Variants in CHST3 observed in about 807,000 individuals in gnomAD.
The protein encoded by CHST3 is C6ST-1.
CHST3 carries 20 observed loss-of-function variants against 35.4 expected under a neutral mutation model. That is an observed-to-expected ratio of 0.57 (90% CI 0.40 to 0.82). The LOEUF (loss-of-function observed/expected upper bound fraction) is 0.82, where lower values mean the gene tolerates loss of function less well. Ranked by LOEUF, CHST3 falls within the 40% of genes least tolerant of loss-of-function variation. The probability of loss-of-function intolerance (pLI) is 0.00; values close to 1 mark genes in which losing one functional copy is unlikely to be tolerated. For missense variants in CHST3, 693 were observed against 670.1 expected (o/e 1.03, Z -0.38); for synonymous variants, 334 against 295.9 (o/e 1.13, Z -1.32).
chr10:71,983,465 T>G (rs1839819662), intron 1 of CHST3, among the ~76,000 whole-genome samples: 1 of 152,172 alleles, frequency 6.6e-6, no homozygotes, highest in Non-Finnish European at 1.5e-5. Flanking sequence ...ATGCCTTTTT[T>G]TTTGAAAAGG....
At chr10:71,974,578 G>A (rs1334658745) in intron 1 of CHST3, among the ~76,000 whole-genome samples, 4 of 152,146 alleles carry the variant, frequency 2.6e-5, no homozygotes, top group East Asian at 3.8e-4. Flanking sequence ...GATGCCAGGC[G>A]GGCCTGGAGG....
rs4148942 is a variant in CHST3, at chr10:72,009,601, C to G, written c.*1130C>G. The stretch of plus-strand genomic sequence containing the variant: ...CAGCCAGGCCTCATCTGGGGTAGGG[C>G]CAAGAGGAAAGTACAGAGTGCCCGT... On this transcript the variant is annotated 3_prime_UTR_variant, in exon 3 of 3. Transcript: ENST00000373115. The G allele has an allele frequency of 3.9e-3, 597 of 152,342 alleles. No individual in the cohort carries two copies. Among genetic ancestry groups the G allele is most frequent in the East Asian group, 0.014 (73 of 5,170 alleles). The allele number at this position is 152,342 out of a possible 1,614,324, so 9.4% of individuals were successfully genotyped here.
chr10:72,006,202 C>T (rs529583628), intron 2 of CHST3, among the ~76,000 whole-genome samples: 10 of 152,212 alleles, frequency 6.6e-5, no homozygotes, highest in African/African-American at 2.2e-4. Context: ...GTTGGAGCCC[C>T]CCCATGTTGG....
chr10:72,003,643 G>T (rs544803291), intron 1 of CHST3, among the ~76,000 whole-genome samples: 1 of 150,666 alleles, frequency 6.6e-6, no homozygotes, highest in South Asian at 2.1e-4. Context: ...GGAGATTGCA[G>T]TGAGCTGAGA....
chr10:72,008,691 C>G lies in CHST3; in HGVS notation c.*220C>G. 1.1e-6 allele frequency: 1 copy of G among 934,570 alleles called. No homozygotes were observed. Among genetic ancestry groups the G allele is most frequent in the Admixed American group, 3.3e-5 (1 of 30,552 alleles). 57.9% of individuals were successfully genotyped at this position (934,570 alleles called of 1,614,324 possible). On this transcript the variant is annotated 3_prime_UTR_variant, in exon 3 of 3. Transcript: ENST00000373115. ...TGAGGGCCATCACACCCAGACCCAACGGGTTGCAGCCTCCTGAGCAGGCCT... is the reference window on the plus strand; with the variant it reads ...TGAGGGCCATCACACCCAGACCCAAGGGGTTGCAGCCTCCTGAGCAGGCCT...
At chr10:71,975,678 C>T (rs1839738161) in intron 1 of CHST3, among the ~76,000 whole-genome samples, 1 of 152,238 alleles carries the variant, frequency 6.6e-6, no homozygotes, top group Non-Finnish European at 1.5e-5. Context: ...GTGGCCACAC[C>T]TAGAAACGGA....
chr10:71,992,866 T>C (rs1174745137), intron 1 of CHST3, among the ~76,000 whole-genome samples: 9 of 151,984 alleles, frequency 5.9e-5, no homozygotes, highest in Admixed American at 5.9e-4. Context: ...TTCACCATGT[T>C]GGCCAGGCTG....
At chr10:72,003,899 T>C (rs1401796524) in intron 1 of CHST3, among the ~76,000 whole-genome samples, 1 of 151,704 alleles carries the variant, frequency 6.6e-6, no homozygotes, top group Non-Finnish European at 1.5e-5. Flanking sequence ...ATTATCTATT[T>C]AGATAATAAT....
At chr10:71,995,631 T>C (rs989754793) in intron 1 of CHST3, among the ~76,000 whole-genome samples, 9 of 152,118 alleles carry the variant, frequency 5.9e-5, no homozygotes, top group Non-Finnish European at 1.3e-4. Flanking sequence ...TTAATTGGCC[T>C]AATTTCAATA....
intron 1 of CHST3, among the ~76,000 whole-genome samples, chr10:71,970,510 C>G (rs1481377349): frequency 1.3e-5 from 2 of 152,216 alleles, no homozygotes; most frequent in African/African-American, 4.8e-5. Context: ...GTCCCTCCTC[C>G]TTAACTTTAA....
chr10:71,998,157 CA>C (rs1283077848), intron 1 of CHST3, among the ~76,000 whole-genome samples: 2 of 152,150 alleles, frequency 1.3e-5, no homozygotes, highest in Non-Finnish European at 2.9e-5. Context: ...ATAAATAAAT[CA>C]AAGGGCATAA....
chr10:71,967,744 C>G (rs958030672), intron 1 of CHST3, among the ~76,000 whole-genome samples: 1 of 152,166 alleles, frequency 6.6e-6, no homozygotes, highest in Non-Finnish European at 1.5e-5. Flanking sequence ...TTTGAGAACT[C>G]TCCAAACTGC....
intron 1 of CHST3, among the ~76,000 whole-genome samples, chr10:71,971,403 C>G (rs1317365123): frequency 3.3e-5 from 5 of 152,182 alleles, no homozygotes; most frequent in Admixed American, 3.3e-4. Flanking sequence ...GCTTAGCCGT[C>G]TGCAGACCAG....
In CHST3 at chr10:72,008,727, G is replaced by A. The variant is rs528575611; in HGVS notation, c.*256G>A. ...CTCCTGAGCAGGCCTAGGCAGGCCC[G>A]GGCCTGTTGGCAAGCTTCGATCTCA... On this transcript the variant is annotated 3_prime_UTR_variant, in exon 3 of 3. Coordinates refer to ENST00000373115, the MANE Select transcript of CHST3 (RefSeq NM_004273.5). 51 of 541,138 alleles carry A rather than the reference G, an allele frequency of 9.4e-5. No homozygotes were observed. Among genetic ancestry groups the A allele is most frequent in the Non-Finnish European group, 7.1e-5 (24 of 338,568 alleles). The allele number at this position is 541,138 out of a possible 1,614,324, so 33.5% of individuals were successfully genotyped here.
intron 1 of CHST3, among the ~76,000 whole-genome samples, chr10:72,000,559 G>A (rs948021193): frequency 1.3e-5 from 2 of 152,212 alleles, no homozygotes; most frequent in African/African-American, 4.8e-5. Context: ...GGTACCAGCT[G>A]ATGCAGAAGC....
At chr10:71,967,975 A>ATTTTTTTTTTTTTTTTTTTT (rs61420934) in intron 1 of CHST3, among the ~76,000 whole-genome samples, 31 of 142,056 alleles carry the variant, frequency 2.2e-4, no homozygotes, top group East Asian at 4.2e-4. Context: ...TGCGTGGCTA[A>ATTTTTTTTTTTTTTTTTTTT]TTTTTTTTTT....
chr10:71,991,539 T>A (rs1695410487), intron 1 of CHST3, among the ~76,000 whole-genome samples: 1 of 152,210 alleles, frequency 6.6e-6, no homozygotes, highest in African/African-American at 2.4e-5. Flanking sequence ...CAGGCATACC[T>A]CAGAGGTATT....
At chr10:71,983,534 T>C (rs56202319) in intron 1 of CHST3, among the ~76,000 whole-genome samples, 15,161 of 152,192 alleles carry the variant, frequency 0.1, 762 homozygotes, top group Admixed American at 0.15. Context: ...CACTGCAACC[T>C]CTGCCTCCCG....
intron 1 of CHST3, among the ~76,000 whole-genome samples, chr10:71,993,984 C>T (rs752512369): frequency 1.3e-5 from 2 of 152,124 alleles, no homozygotes; most frequent in Non-Finnish European, 2.9e-5. Context: ...CCTGTAATCC[C>T]AGCTACTTGG....
Sources: allele counts gnomAD v4.1 joint callset (sites outside exome capture counted in the v4.1 genomes callset), GRCh38; gene constraint gnomAD v4.1.1; transcripts MANE v1.5; gene names NCBI Gene and HGNC (gene_info 2026-07-23, HGNC 2026-07-21).